Variants in TMTC2 observed in about 807,000 individuals in gnomAD.
TMTC2 encodes transmembrane O-mannosyltransferase targeting cadherins 2.
In TMTC2, 43 loss-of-function variants were observed where a neutral mutation model predicts 82.4. That is an observed-to-expected ratio of 0.52 (90% CI 0.41 to 0.67). The LOEUF is 0.67. Ranked by LOEUF, TMTC2 falls within the 30% of genes least tolerant of loss-of-function variation. The pLI, the probability that TMTC2 is intolerant of heterozygous loss-of-function variation, is 0.00. For synonymous variants in TMTC2, 408 were observed against 381.9 expected (o/e 1.07, Z -0.80); for missense variants, 919 against 1,012.4 (o/e 0.91, Z 1.25).
chr12:83,039,441 AATATATTATATATTTGACAAAT>A (rs1555207623), intron 9 of TMTC2, among the ~76,000 whole-genome samples: 1 of 151,884 alleles, frequency 6.6e-6, no homozygotes, highest in Admixed American at 6.6e-5. Context: ...ATATTTGATG[AATATATTATATATTTGACAAAT>A]ATATATTATA....
intron 8 of TMTC2, among the ~76,000 whole-genome samples, chr12:82,990,919 C>T (rs1162331695): frequency 1.3e-5 from 2 of 151,722 alleles, no homozygotes; most frequent in East Asian, 3.9e-4. Flanking sequence ...GTGATCTGTG[C>T]TGAAAAAAAA....
Position 83,132,206 on chromosome 12 carries a change from G to T in TMTC2, c.2332-4G>T. On this transcript the variant is annotated splice_polypyrimidine_tract_variant and splice_region_variant and intron_variant, in intron 11 of 11. Transcript: ENST00000321196. ...AATTGTTTTCCTTCTTTCTCTTGTT[G>T]CAGTATCCGGCTGCTTTGATGAACC... 6.3e-7 allele frequency: 1 copy of T among 1,586,222 alleles called. No homozygotes were observed. Among genetic ancestry groups the T allele is most frequent in the South Asian group, 1.2e-5 (1 of 86,206 alleles).
At chr12:82,876,051 GTGGTGGTGGTGGTGGTGATGATGA>G (rs1425654711) in intron 2 of TMTC2, among the ~76,000 whole-genome samples, 29 of 135,690 alleles carry the variant, frequency 2.1e-4, no homozygotes, top group African/African-American at 6.1e-4. Context: ...GGTGGTGGTG[GTGGTGGTGGTGGTGGTGATGATGA>G]TGATGGTGAT....
intron 7 of TMTC2, among the ~76,000 whole-genome samples, chr12:82,970,110 G>T (rs538011197): frequency 6.6e-6 from 1 of 152,150 alleles, no homozygotes; most frequent in Non-Finnish European, 1.5e-5. Context: ...CCTGAAGTCA[G>T]ATACCCTCGG....
chr12:83,110,404 C>G (rs938826596), intron 11 of TMTC2, among the ~76,000 whole-genome samples: 1 of 152,156 alleles, frequency 6.6e-6, no homozygotes, highest in Non-Finnish European at 1.5e-5. Context: ...CAAAAAACTT[C>G]TCAGGCTAAT....
Position 82,805,497 on chromosome 12 carries a change from CTTTTTT to C in TMTC2, c.84-51490_84-51485del, listed in dbSNP as rs753878105. On this transcript the variant is annotated intron_variant, in intron 1 of 11. Coordinates refer to ENST00000321196, the MANE Select transcript of TMTC2 (RefSeq NM_152588.3). ...TAGTAAGTTTACTCTCCTCTCCCCA[CTTTTTT>C]TTTTTTTTTTTTTTTTTTTTTTGAG... Among the ~76,000 whole-genome samples the C allele has an allele frequency of 1.4e-4, 13 of 90,580 alleles. No individual in the cohort carries two copies. In the East Asian group the frequency reaches 3.9e-3, roughly 27 times the overall value. The allele number at this position is 90,580 out of a possible 152,430, so 59.4% of individuals were successfully genotyped here. A position where few individuals can be genotyped will look rare whatever the true frequency, so the allele number is the denominator to read the frequency against.
chr12:82,739,612 G>A (rs1875296763), intron 1 of TMTC2, among the ~76,000 whole-genome samples: 1 of 151,328 alleles, frequency 6.6e-6, no homozygotes, highest in Admixed American at 6.6e-5. Flanking sequence ...GTCACTTTTT[G>A]GAATTTCTAT....
chr12:83,118,336 G>T (rs995336626), intron 11 of TMTC2, among the ~76,000 whole-genome samples: 7 of 152,086 alleles, frequency 4.6e-5, no homozygotes, highest in Non-Finnish European at 8.8e-5. Flanking sequence ...CTACATTGAG[G>T]TATGTCCTTT....
chr12:83,075,348 C>G (rs886584744), intron 11 of TMTC2, among the ~76,000 whole-genome samples: 1 of 152,186 alleles, frequency 6.6e-6, no homozygotes, highest in Non-Finnish European at 1.5e-5. Flanking sequence ...CCTCCGCAAG[C>G]TGCTCTGTCT....
At chr12:82,851,493 C>T (rs569253179) in intron 1 of TMTC2, among the ~76,000 whole-genome samples, 10 of 152,320 alleles carry the variant, frequency 6.6e-5, no homozygotes, top group South Asian at 4.1e-4. Context: ...ATCATTTACT[C>T]TTCACAATGA....
At chr12:82,811,850 C>T (rs1398653555) in intron 1 of TMTC2, among the ~76,000 whole-genome samples, 1 of 129,660 alleles carries the variant, frequency 7.7e-6, no homozygotes, top group Non-Finnish European at 1.5e-5. Context: ...TGGAGTCTCG[C>T]TCTGTCGCCC....
intron 2 of TMTC2, among the ~76,000 whole-genome samples, chr12:82,888,139 C>T (rs1873199809): frequency 6.6e-6 from 1 of 152,044 alleles, no homozygotes; most frequent in Non-Finnish European, 1.5e-5. Context: ...TAAGGCAGAC[C>T]TATAATGTTT....
At chr12:82,879,397 G>A (rs920288889) in intron 2 of TMTC2, among the ~76,000 whole-genome samples, 3 of 152,190 alleles carry the variant, frequency 2.0e-5, no homozygotes, top group Admixed American at 6.5e-5. Context: ...CGCATAAGGA[G>A]CACACAACCT....
chr12:82,824,014 C>T (rs757320170), intron 1 of TMTC2, among the ~76,000 whole-genome samples: 1 of 151,920 alleles, frequency 6.6e-6, no homozygotes, highest in Non-Finnish European at 1.5e-5. Context: ...GTGCCTCAGC[C>T]TCTCAAGTAG....
At chr12:83,061,964 T>A in intron 11 of TMTC2, 133 bp downstream of exon 11, 1 of 629,732 alleles carries the variant, frequency 1.6e-6, no homozygotes, top group Non-Finnish European at 2.6e-6. Flanking sequence ...TCCCTTTCTC[T>A]CTCTGAGCTC....
At chr12:82,886,813 A>G (rs1213672021) in intron 2 of TMTC2, among the ~76,000 whole-genome samples, 1 of 152,186 alleles carries the variant, frequency 6.6e-6, no homozygotes, top group Non-Finnish European at 1.5e-5. Context: ...GATTAATCAC[A>G]TGGATATGTT....
chr12:82,987,097 G>T (rs1409277981), intron 8 of TMTC2, among the ~76,000 whole-genome samples: 1 of 152,050 alleles, frequency 6.6e-6, no homozygotes. Context: ...ACTTTCCACA[G>T]AAGATGGTAG....
intron 1 of TMTC2, among the ~76,000 whole-genome samples, chr12:82,752,865 C>T (rs1481952203): frequency 2.0e-5 from 3 of 152,078 alleles, no homozygotes; most frequent in Non-Finnish European, 4.4e-5. Context: ...TTTATCCCTG[C>T]TCAGCTGTGC....
intron 8 of TMTC2, among the ~76,000 whole-genome samples, chr12:82,995,378 T>C (rs1312076280): frequency 6.6e-6 from 1 of 152,050 alleles, no homozygotes; most frequent in Non-Finnish European, 1.5e-5. Flanking sequence ...CCACATCTGT[T>C]CTAAGATGTG....
Sources: allele counts gnomAD v4.1 joint callset (sites outside exome capture counted in the v4.1 genomes callset), GRCh38; gene constraint gnomAD v4.1.1; transcripts MANE v1.5; gene names NCBI Gene and HGNC (gene_info 2026-07-23, HGNC 2026-07-21).